Variants in AK8 observed in about 807,000 individuals in gnomAD.
AK8 encodes the protein adenylate kinase 8, also known as ATP-AMP transphosphorylase 8.
AK8 carries 44 observed loss-of-function variants against 54.6 expected under a neutral mutation model. The ratio of observed to expected loss-of-function variants is 0.81; its 90% confidence interval spans 0.63 to 1.04. The LOEUF is 1.04. Ranked by LOEUF, AK8 falls within the 50% of genes least tolerant of loss-of-function variation. AK8 has a pLI of 0.00. For missense variants in AK8, 555 were observed against 613.6 expected, an observed-to-expected ratio of 0.90 and a Z score of 1.01; for synonymous variants, 239 against 245.6, an observed-to-expected ratio of 0.97 and a Z score of 0.25.
At chr9:132,877,894 A>T in intron 1 of AK8, 2 of 732,688 alleles carry the variant, frequency 2.7e-6, no homozygotes, top group Non-Finnish European at 4.7e-6. Flanking sequence ...TCCAGACCAT[A>T]AGGCCCGCTG....
chr9:132,821,291 G>A (rs1176552271), intron 9 of AK8, among the ~76,000 whole-genome samples: 6 of 151,844 alleles, frequency 4.0e-5, no homozygotes, highest in East Asian at 3.9e-4. Flanking sequence ...GTCCCTTCCC[G>A]TAACGATGTG....
chr9:132,864,253 A>C (rs890395789), intron 3 of AK8, among the ~76,000 whole-genome samples: 1 of 152,322 alleles, frequency 6.6e-6, no homozygotes, highest in Non-Finnish European at 1.5e-5. Context: ...AGGGAAGAGT[A>C]AATTTTAAGG....
intron 10 of AK8, among the ~76,000 whole-genome samples, chr9:132,801,960 C>A (rs539598204): frequency 6.6e-6 from 1 of 152,222 alleles, no homozygotes. Flanking sequence ...TGCCACCTGA[C>A]TTTTAGGAGG....
At chr9:132,866,010 C>T (rs906361556) in intron 3 of AK8, among the ~76,000 whole-genome samples, 5 of 151,664 alleles carry the variant, frequency 3.3e-5, no homozygotes, top group Admixed American at 6.6e-5. Context: ...CCAGCCTGGA[C>T]GACATGGTGA....
rs1351144185 is a variant in AK8, at chr9:132,790,667, C to T, written c.1121+1967G>A. Among the ~76,000 whole-genome samples the T allele has an allele frequency of 6.6e-6, 1 of 152,116 alleles. No homozygotes were observed. Among genetic ancestry groups the T allele is most frequent in the Non-Finnish European group, 1.5e-5 (1 of 68,028 alleles). ...GGAAAAACCACCGTGTCGATCATGA[C>T]ACCCTGTTCTGAAAGTACCGCCCAA... On this transcript the variant is annotated intron_variant, in intron 11 of 12. Transcript: ENST00000298545. This position sits in a 1 kb window ranked among gnomAD's most constrained non-coding sequence, Gnocchi z 4.1.
chr9:132,725,801 A>G lies in AK8; in HGVS notation c.1327T>C (p.Leu443=). ...ATGGCCGACCCATACAACTGCTCCA[A>G]GTCAGCTGAGTTCCTGTAGAACAGG... The part of the protein sequence containing the change: ...MDLFYRNSAD[L]EQLYGSAITL... Residue 443 remains leucine, a synonymous_variant, in exon 13 of 13, where the codon TTG becomes CTG. Transcript: ENST00000298545. 6.2e-7 allele frequency: 1 copy of G among 1,605,872 alleles called. No homozygotes were observed. The highest frequency in any genetic ancestry group is 8.5e-7 in the Non-Finnish European group (1 of 1,176,420).
upstream of AK8, chr9:132,878,356 C>G: frequency 5.6e-6 from 7 of 1,256,486 alleles, no homozygotes; most frequent in Non-Finnish European, 7.0e-6. This position sits in a 1 kb window ranked among gnomAD's most constrained non-coding sequence, Gnocchi z 4.7. Context: ...GCAGGCTCCG[C>G]GCCGGGCCCA....
intron 3 of AK8, 91 bp downstream of exon 3, chr9:132,866,813 T>C (rs2131422217): frequency 8.2e-7 from 1 of 1,217,288 alleles, no homozygotes. Flanking sequence ...AGCTCAGTTA[T>C]GCTACAAATT....
chr9:132,874,910 GA>G (rs1564451429), intron 2 of AK8, among the ~76,000 whole-genome samples: 1 of 152,174 alleles, frequency 6.6e-6, no homozygotes, highest in African/African-American at 2.4e-5. Flanking sequence ...ATTTTTCAAT[GA>G]ACCACCACCT....
chr9:132,850,665 T>C (rs970396692), intron 5 of AK8, among the ~76,000 whole-genome samples: 5 of 152,290 alleles, frequency 3.3e-5, no homozygotes, highest in South Asian at 2.1e-4. Context: ...CCCAAAATAC[T>C]GGGATTACAG....
chr9:132,866,113 G>A (rs142901417), intron 3 of AK8, among the ~76,000 whole-genome samples: 4 of 152,198 alleles, frequency 2.6e-5, no homozygotes, highest in East Asian at 1.9e-4. Flanking sequence ...CATGAGAATC[G>A]CTTGAACCTA....
intron 11 of AK8, among the ~76,000 whole-genome samples, chr9:132,761,355 C>T (rs1358043586): frequency 5.3e-5 from 8 of 151,172 alleles, no homozygotes; most frequent in Non-Finnish European, 7.4e-5. Flanking sequence ...CTCTGCCTCC[C>T]GGGTTCAAGC....
intron 1 of AK8, among the ~76,000 whole-genome samples, chr9:132,877,035 C>T (rs1844138748): frequency 6.6e-6 from 1 of 152,190 alleles, no homozygotes; most frequent in African/African-American, 2.4e-5. Flanking sequence ...CACTGCACTC[C>T]AGCCTGGGCA....
chr9:132,737,982 C>A (rs781565425), intron 11 of AK8, among the ~76,000 whole-genome samples: 12 of 152,082 alleles, frequency 7.9e-5, no homozygotes, highest in African/African-American at 1.2e-4. Flanking sequence ...GCCTTGTGGG[C>A]GCTGAGTCCT....
chr9:132,750,475 A>G (rs776710541), intron 11 of AK8, among the ~76,000 whole-genome samples: 9 of 151,918 alleles, frequency 5.9e-5, no homozygotes, highest in Non-Finnish European at 1.3e-4. Flanking sequence ...AGTGGCCAAC[A>G]GAAGACATAC....
intron 4 of AK8, among the ~76,000 whole-genome samples, chr9:132,862,905 G>A (rs1222770202): frequency 1.3e-5 from 2 of 152,090 alleles, no homozygotes; most frequent in Non-Finnish European, 2.9e-5. Flanking sequence ...ACAGAAGAGA[G>A]GAGGAAGAGT....
At chr9:132,739,441 CAAAAAAAAAAAAAAAAAAAAAAAA>C (rs768297504) in intron 11 of AK8, among the ~76,000 whole-genome samples, 26 of 31,172 alleles carry the variant, frequency 8.3e-4, no homozygotes, top group South Asian at 3.4e-3. Flanking sequence ...GACTCTGTCT[CAAAAAAAAAAAAAAAAAAAAAAAA>C]AAAAAAAAAA....
intron 7 of AK8, chr9:132,827,800 C>A (rs1166060769): frequency 1.5e-5 from 8 of 547,982 alleles, no homozygotes; most frequent in Middle Eastern, 4.8e-4. Context: ...AAGAAAGTCT[C>A]CTCCTTTAGC....
chr9:132,865,973 G>A (rs1252405267), intron 3 of AK8, among the ~76,000 whole-genome samples: 5 of 152,048 alleles, frequency 3.3e-5, no homozygotes, highest in Admixed American at 6.6e-5. Flanking sequence ...TGAGGTAGGC[G>A]GATCACCTGA....
Sources: allele counts gnomAD v4.1 joint callset (sites outside exome capture counted in the v4.1 genomes callset), GRCh38; gene constraint gnomAD v4.1.1; non-coding constraint Gnocchi (gnomAD v3.1); transcripts MANE v1.5; gene names NCBI Gene and HGNC (gene_info 2026-07-23, HGNC 2026-07-21).